The following ZFYVE1 variants were observed in gnomAD, a reference collection of about 807,000 sequenced individuals.
The protein encoded by ZFYVE1 is zinc finger FYVE-type containing 1, also known as zinc finger FYVE domain-containing protein 1.
Under a neutral mutation model 74.4 loss-of-function variants are expected in ZFYVE1, and 30 were observed. The ratio of observed to expected loss-of-function variants is 0.40; its 90% CI spans 0.30 to 0.55. The LOEUF (loss-of-function observed/expected upper bound fraction) is 0.55, where lower values mean the gene tolerates loss of function less well. Ranked by LOEUF, ZFYVE1 falls within the 20% of genes least tolerant of loss-of-function variation. ZFYVE1 has a pLI of 0.42. For synonymous variants in ZFYVE1, 335 were observed against 385.1 expected (o/e 0.87, Z 1.52); for missense variants, 703 against 1,011.6 (o/e 0.69, Z 4.14).
intron 4 of ZFYVE1, among the ~76,000 whole-genome samples, chr14:72,985,319 A>G (rs1206322541): frequency 3.6e-5 from 5 of 140,416 alleles, no homozygotes; most frequent in Non-Finnish European, 6.1e-5. Context: ...CCATGCCCCA[A>G]TAATTTTTGT....
chr14:72,981,317 T>C (rs1893324734), intron 5 of ZFYVE1, among the ~76,000 whole-genome samples: 1 of 152,178 alleles, frequency 6.6e-6, no homozygotes, highest in African/African-American at 2.4e-5. Flanking sequence ...AATTCTAATG[T>C]GCTCTAAACA....
Position 72,997,801 on chromosome 14 carries a change from C to T in ZFYVE1, c.988+10G>A. 2 of 1,573,202 alleles carry T rather than the reference C, an allele frequency of 1.3e-6. No homozygotes were observed. Among genetic ancestry groups the T allele is most frequent in the Non-Finnish European group, 1.7e-6 (2 of 1,154,066 alleles). ...AAGGTTGAGCTGTGACACTGTACCC[C>T]ATCTCTCACCAGAGCCCAGTAGCTG... On this transcript the variant is annotated intron_variant, in intron 3 of 11. Transcript: ENST00000556143.
Position 72,975,193 on chromosome 14 carries a change from G to A in ZFYVE1, c.1807-234C>T. 2 of 537,142 alleles carry A rather than the reference G, an allele frequency of 3.7e-6. No homozygotes were observed. The highest frequency in any genetic ancestry group is 3.1e-5 in the East Asian group (1 of 32,496). The allele number at this position is 537,142 out of a possible 1,614,324, so 33.3% of individuals were successfully genotyped here. A position where few individuals can be genotyped will look rare whatever the true frequency, so the allele number is the denominator to read the frequency against. ...GAAGCTGGGTGCTCTCTTGCTCTGG[G>A]TGCTGTAGCGTTAATGGATCAAGCT... On this transcript the variant is annotated intron_variant, in intron 9 of 11. Coordinates refer to ENST00000556143, the MANE Select transcript of ZFYVE1 (RefSeq NM_021260.4). This position sits in a 1 kb window ranked among gnomAD's most constrained non-coding sequence, Gnocchi z 4.1.
chr14:72,990,689 C>CCTTTT (rs1893588207), intron 4 of ZFYVE1, among the ~76,000 whole-genome samples: 1 of 66,682 alleles, frequency 1.5e-5, no homozygotes, highest in Non-Finnish European at 2.8e-5. Context: ...CGCACCTGGC[C>CCTTTT]TTTTTTTTTT....
chr14:73,011,470 G>A (rs894297953), intron 2 of ZFYVE1, among the ~76,000 whole-genome samples: 1 of 151,986 alleles, frequency 6.6e-6, no homozygotes, highest in Non-Finnish European at 1.5e-5. Context: ...CTGGGCAACA[G>A]AGTGAGACCC....
intron 3 of ZFYVE1, among the ~76,000 whole-genome samples, chr14:72,994,291 C>G (rs1022208607): frequency 7.4e-6 from 1 of 135,598 alleles, no homozygotes; most frequent in Non-Finnish European, 1.5e-5. Flanking sequence ...CCACTGCACT[C>G]CAGCCTGGGA....
chr14:72,971,497 T>C (rs1379826605), intron 11 of ZFYVE1, among the ~76,000 whole-genome samples: 1 of 152,006 alleles, frequency 6.6e-6, no homozygotes, highest in African/African-American at 2.4e-5. Flanking sequence ...CCACCACACC[T>C]GGCTAATTTT....
intron 3 of ZFYVE1, among the ~76,000 whole-genome samples, chr14:72,995,380 T>C (rs1368623430): frequency 6.6e-6 from 1 of 152,120 alleles, no homozygotes; most frequent in Non-Finnish European, 1.5e-5. Context: ...CACAGGTATG[T>C]ACCACTGCAA....
At chr14:72,988,387 C>T (rs1893532068) in intron 4 of ZFYVE1, among the ~76,000 whole-genome samples, 1 of 151,760 alleles carries the variant, frequency 6.6e-6, no homozygotes, top group South Asian at 2.1e-4. Flanking sequence ...GTTGGCCAGG[C>T]TGGTCTCGAA....
rs574615380 is a variant in ZFYVE1, at chr14:73,024,747, T to G, written c.-239A>C. ...ACGTTGATTTGGTTTGATGGTTTCATCCTCCATAAAGTGCAAGCAAAGATG... is the reference window on the plus strand; with the variant it reads ...ACGTTGATTTGGTTTGATGGTTTCAGCCTCCATAAAGTGCAAGCAAAGATG... On this transcript the variant is annotated 5_prime_UTR_variant, in exon 2 of 12. An upstream start codon of the reference 5' UTR is lost. Transcript: ENST00000556143. The G allele has an allele frequency of 5.7e-6, 3 of 522,578 alleles. No homozygotes were observed. Among genetic ancestry groups the G allele is most frequent in the Admixed American group, 3.9e-5 (1 of 25,860 alleles). The allele number at this position is 522,578 out of a possible 1,614,324, so 32.4% of individuals were successfully genotyped here.
intron 4 of ZFYVE1, among the ~76,000 whole-genome samples, chr14:72,986,563 C>CTTTTTT (rs751115992): frequency 0.029 from 3,895 of 136,632 alleles, 74 homozygotes; most frequent in Non-Finnish European, 0.046. Context: ...TCAGCTTTTC[C>CTTTTTT]TTTTTTTTTT....
In ZFYVE1 at chr14:72,974,762, C is replaced by T. The variant is rs775701799; in HGVS notation, c.1987+17G>A. 11 of 1,586,242 alleles carry T rather than the reference C, an allele frequency of 6.9e-6. No homozygotes were observed. Among genetic ancestry groups the T allele is most frequent in the South Asian group, 6.7e-5 (6 of 89,826 alleles). ...GGTTCTCCCCTCCACCCCTGCAGCT[C>T]CCAGGTCCCACGTTACCTAACTGGA... is the stretch of plus-strand genomic sequence containing the variant. On this transcript the variant is annotated intron_variant, in intron 10 of 11. Coordinates refer to ENST00000556143, the MANE Select transcript of ZFYVE1 (RefSeq NM_021260.4).
chr14:72,994,781 T>C (rs1418435994), intron 3 of ZFYVE1, among the ~76,000 whole-genome samples: 1 of 152,236 alleles, frequency 6.6e-6, no homozygotes, highest in Non-Finnish European at 1.5e-5. Context: ...TAACATACTG[T>C]AAGTACCTGT....
chr14:73,023,506 T>C (rs1237770454), intron 2 of ZFYVE1, among the ~76,000 whole-genome samples: 2 of 148,210 alleles, frequency 1.3e-5, no homozygotes, highest in South Asian at 2.1e-4. Flanking sequence ...ATATTGTCCT[T>C]ATTAAAAGCC....
In ZFYVE1 at chr14:73,024,562, C is replaced by G. The variant is rs80259615; in HGVS notation, c.-54G>C. ...CATATAATAGTCACTGAGCTTGCCC[C>G]GGGGGTGAAGACGAAGATTTGAGTC... On this transcript the variant is annotated 5_prime_UTR_variant, in exon 2 of 12. Transcript: ENST00000556143. 217 of 1,524,152 alleles carry G rather than the reference C, an allele frequency of 1.4e-4. No individual in the cohort carries two copies. The highest frequency in any genetic ancestry group is 1.8e-4 in the Non-Finnish European group (207 of 1,137,138). 94.4% of individuals were successfully genotyped at this position (1,524,152 alleles called of 1,614,324 possible).
At chr14:73,006,166 G>A (rs563412787) in intron 2 of ZFYVE1, among the ~76,000 whole-genome samples, 9 of 151,912 alleles carry the variant, frequency 5.9e-5, no homozygotes, top group African/African-American at 1.4e-4. Flanking sequence ...TGATCCGCCC[G>A]CCTGGGCCTC....
intron 2 of ZFYVE1, among the ~76,000 whole-genome samples, chr14:73,021,771 A>T (rs369987038): frequency 6.6e-6 from 1 of 152,150 alleles, no homozygotes; most frequent in Non-Finnish European, 1.5e-5. Flanking sequence ...AATTATATAC[A>T]TATTACATTC....
chr14:72,978,306 C>T, intron 6 of ZFYVE1, 72 bp from the exon 7 acceptor site: 1 of 1,482,194 alleles, frequency 6.7e-7, no homozygotes, highest in South Asian at 1.2e-5. Flanking sequence ...CGGGGTTTTA[C>T]CAGCCCAGGC....
At position 73,023,148 on chromosome 14, in the gene ZFYVE1, G is replaced by A. The variant is rs1026358003; in HGVS notation, c.483+878C>T. Reference sequence around the variant, plus strand: ...TGCACTCCAGCCTGGGTGACAGAGCGAAATTCCATCTCAAAAAATATATAT... The same window carrying A: ...TGCACTCCAGCCTGGGTGACAGAGCAAAATTCCATCTCAAAAAATATATAT... On this transcript the variant is annotated intron_variant, in intron 2 of 11. Coordinates refer to ENST00000556143, the MANE Select transcript of ZFYVE1 (RefSeq NM_021260.4). Among the ~76,000 whole-genome samples, 10 of 129,716 alleles carry A rather than the reference G, an allele frequency of 7.7e-5. No individual in the cohort carries two copies. The South Asian group carries it at 1.2e-3, about 15-fold the overall frequency. The allele number at this position is 129,716 out of a possible 152,430, so 85.1% of individuals were successfully genotyped here.
Sources: allele counts gnomAD v4.1 joint callset (sites outside exome capture counted in the v4.1 genomes callset), GRCh38; gene constraint gnomAD v4.1.1; non-coding constraint Gnocchi (gnomAD v3.1); transcripts MANE v1.5; gene names NCBI Gene and HGNC (gene_info 2026-07-23, HGNC 2026-07-21).